UNC13C: variants seen among roughly 807,000 people sequenced by gnomAD.
UNC13C encodes the protein unc-13 homolog C.
In UNC13C, 174 loss-of-function variants were observed where a neutral mutation model predicts 245.4. The ratio of observed to expected loss-of-function variants is 0.71; its 90% CI spans 0.63 to 0.80. UNC13C has a LOEUF of 0.80. Ranked by LOEUF, UNC13C falls within the 30% of genes least tolerant of loss-of-function variation. The pLI, the probability that UNC13C is intolerant of heterozygous loss-of-function variation, is 0.00. For missense variants in UNC13C, 2,829 were observed against 2,602.9 expected, an observed-to-expected ratio of 1.09 and a Z score of -1.89; for synonymous variants, 992 against 895.1, an observed-to-expected ratio of 1.11 and a Z score of -1.93.
intron 20 of UNC13C, among the ~76,000 whole-genome samples, chr15:54,499,452 A>G (rs1596479576): frequency 1.3e-5 from 2 of 152,148 alleles, no homozygotes; most frequent in African/African-American, 4.8e-5. Context: ...AAGGGAATAA[A>G]ATAGTCCAGA....
intron 2 of UNC13C, among the ~76,000 whole-genome samples, chr15:54,053,638 A>C (rs1897369277): frequency 6.6e-6 from 1 of 152,168 alleles, no homozygotes; most frequent in Non-Finnish European, 1.5e-5. Flanking sequence ...TGTGTTACAA[A>C]CAATCCAATT....
At chr15:54,002,856 T>C (rs572815787) in intron 1 of UNC13C, among the ~76,000 whole-genome samples, 1 of 152,236 alleles carries the variant, frequency 6.6e-6, no homozygotes, top group Admixed American at 6.5e-5. Context: ...AGTGGGAAGG[T>C]GCCAAACCCT....
chr15:54,056,266 G>A (rs1482287388), intron 2 of UNC13C, among the ~76,000 whole-genome samples: 2 of 152,142 alleles, frequency 1.3e-5, no homozygotes, highest in African/African-American at 2.4e-5. Flanking sequence ...AGTCCTTAAA[G>A]GACCTGATGG....
chr15:54,291,919 G>A (rs557667427), intron 10 of UNC13C, among the ~76,000 whole-genome samples: 8 of 152,032 alleles, frequency 5.3e-5, no homozygotes, highest in South Asian at 2.1e-4. Flanking sequence ...GTATTTTAAC[G>A]TGTAAGGGCT....
intron 18 of UNC13C, among the ~76,000 whole-genome samples, chr15:54,397,149 A>G (rs1596323478): frequency 6.6e-6 from 1 of 151,560 alleles, no homozygotes; most frequent in Non-Finnish European, 1.5e-5. Context: ...TTTCTTCTAG[A>G]CATCTTACAT....
rs1389277566 is a variant in UNC13C, at chr15:53,978,810, C to T, written c.-374C>T. ...ACTATTTGTGATTGAAAAAAGGAAA[C>T]GAGACTAGAAACACAATTGCAAGTG... On this transcript the variant is annotated 5_prime_UTR_variant, in exon 1 of 33. In the 5' UTR this introduces an upstream ATG that the reference lacks. Transcript: ENST00000260323. Among the ~76,000 whole-genome samples, 2 of 152,026 alleles carry T rather than the reference C, an allele frequency of 1.3e-5. No homozygotes were observed. Among genetic ancestry groups the T allele is most frequent in the Admixed American group, 6.6e-5 (1 of 15,260 alleles).
At chr15:54,145,339 T>G (rs7181337) in intron 4 of UNC13C, among the ~76,000 whole-genome samples, 86,335 of 151,962 alleles carry the variant, frequency 0.57, 25,330 homozygotes, top group East Asian at 0.7. Context: ...TTTAAAGTTT[T>G]AAATGTAAAG....
intron 25 of UNC13C, among the ~76,000 whole-genome samples, chr15:54,530,383 T>G (rs1269606579): frequency 6.6e-6 from 1 of 152,226 alleles, no homozygotes; most frequent in African/African-American, 2.4e-5. Flanking sequence ...TTTTAACTAC[T>G]GTCCCAATAT....
chr15:54,038,124 A>ATATATATTTTTTTTTT, intron 2 of UNC13C, among the ~76,000 whole-genome samples: 9 of 45,024 alleles, frequency 2.0e-4, no homozygotes, highest in Admixed American at 5.0e-4. Context: ...ATATATATAT[A>ATATATATTTTTTTTTT]TTTTTTTTTT....
chr15:54,116,371 T>C (rs1199220268), intron 2 of UNC13C, among the ~76,000 whole-genome samples: 1 of 152,120 alleles, frequency 6.6e-6, no homozygotes, highest in Non-Finnish European at 1.5e-5. Flanking sequence ...GATGTCTTAT[T>C]TTTTGTCTAT....
intron 19 of UNC13C, among the ~76,000 whole-genome samples, chr15:54,449,573 C>G (rs1891048349): frequency 6.6e-6 from 1 of 152,226 alleles, no homozygotes; most frequent in African/African-American, 2.4e-5. Flanking sequence ...AAATCAGCTA[C>G]TGAAGCTTGT....
At chr15:53,903,045 CT>C in the UNC13C span, among the ~76,000 whole-genome samples, 1 of 152,132 alleles carries the variant, frequency 6.6e-6, no homozygotes, top group Non-Finnish European at 1.5e-5. Flanking sequence ...GATTTTGATC[CT>C]GTTTGAAATA....
chr15:54,323,053 A>G (rs1158075), intron 14 of UNC13C, among the ~76,000 whole-genome samples: 88,431 of 150,722 alleles, frequency 0.59, 26,659 homozygotes, highest in African/African-American at 0.73. Flanking sequence ...TTGTGGGAAG[A>G]TGATTTTTCA....
chr15:54,459,497 C>CT (rs971320316), intron 19 of UNC13C, among the ~76,000 whole-genome samples: 13 of 152,112 alleles, frequency 8.5e-5, no homozygotes, highest in African/African-American at 2.9e-4. Context: ...GTTTTCCAAA[C>CT]TTTTTGATTT....
chr15:54,412,514 G>C (rs2040436808), intron 18 of UNC13C, among the ~76,000 whole-genome samples: 1 of 152,154 alleles, frequency 6.6e-6, no homozygotes, highest in South Asian at 2.1e-4. Flanking sequence ...AGTTTGAGAT[G>C]GGATTTGGGT....
At chr15:54,276,210 G>A (rs1348950496) in intron 10 of UNC13C, among the ~76,000 whole-genome samples, 1 of 152,078 alleles carries the variant, frequency 6.6e-6, no homozygotes, top group Admixed American at 6.6e-5. Context: ...CTTTAATTAT[G>A]TTAATCATGG....
At chr15:54,126,010 A>T (rs2031013557) in intron 2 of UNC13C, among the ~76,000 whole-genome samples, 1 of 152,224 alleles carries the variant, frequency 6.6e-6, no homozygotes, top group African/African-American at 2.4e-5. Flanking sequence ...ACAAAGAAAT[A>T]TTCTAAAAAC....
At chr15:54,405,976 G>A (rs1041722908) in intron 18 of UNC13C, among the ~76,000 whole-genome samples, 23 of 117,806 alleles carry the variant, frequency 2.0e-4, no homozygotes, top group Middle Eastern at 4.2e-3. Flanking sequence ...GTAAAGAGAT[G>A]CTATGTTGAG....
chr15:54,027,594 C>A (rs888931341), intron 2 of UNC13C, among the ~76,000 whole-genome samples: 8 of 152,114 alleles, frequency 5.3e-5, no homozygotes, highest in African/African-American at 1.9e-4. Flanking sequence ...TGGACTTGAA[C>A]TCCTGACTTC....
Sources: allele counts gnomAD v4.1 joint callset (sites outside exome capture counted in the v4.1 genomes callset), GRCh38; gene constraint gnomAD v4.1.1; transcripts MANE v1.5; gene names NCBI Gene and HGNC (gene_info 2026-07-23, HGNC 2026-07-21).